RGS21: variants seen among roughly 807,000 people sequenced by gnomAD.
The protein encoded by RGS21 is regulator of G protein signaling 21.
Under a neutral mutation model 18.7 loss-of-function variants are expected in RGS21, and 19 were observed. The ratio of observed to expected loss-of-function variants is 1.01; its 90% CI spans 0.71 to 1.49. The LOEUF (loss-of-function observed/expected upper bound fraction) is 1.49. Among genes scored for constraint, RGS21 ranks in the 40% most tolerant of loss-of-function variants. RGS21 has a pLI of 0.00. For synonymous variants in RGS21, 56 were observed against 57.8 expected, an observed-to-expected ratio of 0.97 and a Z score of 0.14; for missense variants, 194 against 176.8, an observed-to-expected ratio of 1.10 and a Z score of -0.55.
chr1:192,318,154 C>T (rs1048756600), intron 1 of RGS21, among the ~76,000 whole-genome samples: 1 of 151,902 alleles, frequency 6.6e-6, no homozygotes, highest in Non-Finnish European at 1.5e-5. Context: ...TATTTTTAGA[C>T]AATGTCAAAA....
intron 4 of RGS21, 64 bp downstream of exon 4, chr1:192,352,277 A>C (rs1014172667): frequency 1.8e-6 from 2 of 1,135,596 alleles, no homozygotes; most frequent in Non-Finnish European, 2.4e-6. Context: ...CAATTAGAAG[A>C]CCTTAAATCC....
intron 4 of RGS21, among the ~76,000 whole-genome samples, chr1:192,354,339 T>TG (rs1276575772): frequency 4.0e-5 from 6 of 151,576 alleles, no homozygotes; most frequent in African/African-American, 1.5e-4. Context: ...ATTTGCGGTG[T>TG]GGTTCACACA....
intron 1 of RGS21, among the ~76,000 whole-genome samples, chr1:192,340,307 C>G (rs1324288805): frequency 6.6e-6 from 1 of 151,982 alleles, no homozygotes; most frequent in African/African-American, 2.4e-5. Context: ...TATAAATAAA[C>G]CTATGTAAGA....
chr1:192,342,326 T>C (rs1365830734), intron 1 of RGS21, among the ~76,000 whole-genome samples: 1 of 152,086 alleles, frequency 6.6e-6, no homozygotes, highest in Non-Finnish European at 1.5e-5. Flanking sequence ...GTCTTTGTTT[T>C]GATAAATATA....
chr1:192,320,497 G>A (rs1452595132), intron 1 of RGS21, among the ~76,000 whole-genome samples: 2 of 114,914 alleles, frequency 1.7e-5, no homozygotes, highest in Non-Finnish European at 3.9e-5. Flanking sequence ...AAAATGTAAA[G>A]GAATGTGTAT....
At chr1:192,334,314 A>C (rs1472110520) in intron 1 of RGS21, among the ~76,000 whole-genome samples, 4 of 152,152 alleles carry the variant, frequency 2.6e-5, no homozygotes, top group Non-Finnish European at 5.9e-5. Context: ...AAGAAGAGAT[A>C]ATAAATAGTT....
intron 3 of RGS21, among the ~76,000 whole-genome samples, chr1:192,349,785 T>C (rs145812982): frequency 6.6e-6 from 1 of 152,210 alleles, no homozygotes; most frequent in East Asian, 1.9e-4. Context: ...TAGCCCATCA[T>C]TAAAAGTGGA....
At position 192,363,495 on chromosome 1, in the gene RGS21, T is replaced by G. The variant is rs146146379; in HGVS notation, c.256-2426T>G. ...ATTCTCATATTCCCACAACACCAGATAAGTTTATGAAACAGACTATAGTAG... is the reference window on the plus strand; with the variant it reads ...ATTCTCATATTCCCACAACACCAGAGAAGTTTATGAAACAGACTATAGTAG... On this transcript the variant is annotated intron_variant, in intron 4 of 4. Coordinates refer to ENST00000417209, the MANE Select transcript of RGS21 (RefSeq NM_001039152.3). Among the ~76,000 whole-genome samples, 807 of 152,236 alleles carry G rather than the reference T, an allele frequency of 5.3e-3. 7 individuals carry two copies. Among genetic ancestry groups the G allele is most frequent in the African/African-American group, 0.019 (782 of 41,570 alleles).
At chr1:192,345,846 A>G (rs185301005) in intron 2 of RGS21, among the ~76,000 whole-genome samples, 57 of 152,176 alleles carry the variant, frequency 3.7e-4, no homozygotes, top group African/African-American at 1.4e-3. Context: ...ACAAGTTCTA[A>G]TATTTGAGTT....
intron 1 of RGS21, among the ~76,000 whole-genome samples, chr1:192,324,588 G>A (rs1658540497): frequency 1.3e-5 from 2 of 148,454 alleles, no homozygotes; most frequent in African/African-American, 5.1e-5. Flanking sequence ...AATATTCACA[G>A]AGGAATGTGT....
At chr1:192,328,514 C>T (rs555222254) in intron 1 of RGS21, among the ~76,000 whole-genome samples, 2 of 152,240 alleles carry the variant, frequency 1.3e-5, no homozygotes, top group South Asian at 4.1e-4. Flanking sequence ...ATCAACTATG[C>T]TAGGCCATTA....
intron 4 of RGS21, among the ~76,000 whole-genome samples, chr1:192,356,174 G>C (rs1659110920): frequency 6.6e-6 from 1 of 151,766 alleles, no homozygotes; most frequent in East Asian, 1.9e-4. Flanking sequence ...TTTAATATTT[G>C]TGTTTGGCTT....
intron 1 of RGS21, among the ~76,000 whole-genome samples, chr1:192,325,889 A>C (rs1484140908): frequency 6.6e-6 from 1 of 152,082 alleles, no homozygotes; most frequent in African/African-American, 2.4e-5. Flanking sequence ...GTTTTAAATC[A>C]TCTTGTGATA....
At chr1:192,348,755 G>A (rs983495663) in intron 3 of RGS21, among the ~76,000 whole-genome samples, 2 of 141,084 alleles carry the variant, frequency 1.4e-5, no homozygotes, top group Non-Finnish European at 3.0e-5. Context: ...GAAACACAGA[G>A]AGAAAATGTT....
chr1:192,321,030 G>A lies in RGS21; in HGVS notation c.-61+3925G>A, dbSNP rs372083391. Among the ~76,000 whole-genome samples, 671 of 151,844 alleles carry A rather than the reference G, an allele frequency of 4.4e-3. 3 individuals carry two copies. The highest frequency in any genetic ancestry group is 7.6e-3 in the Non-Finnish European group (516 of 67,840). ...CTCTATATTTTTAATTCATCTAATT[G>A]AATATCTATTTTGAATTTGAATTTT... On this transcript the variant is annotated intron_variant, in intron 1 of 4. Transcript: ENST00000417209.
intron 4 of RGS21, among the ~76,000 whole-genome samples, chr1:192,355,414 C>G (rs554000693): frequency 4.0e-5 from 6 of 151,486 alleles, no homozygotes; most frequent in South Asian, 2.1e-4. Flanking sequence ...AATGTTAAGA[C>G]TTGAGAGAAG....
chr1:192,321,250 C>T (rs1658493524), intron 1 of RGS21, among the ~76,000 whole-genome samples: 2 of 151,844 alleles, frequency 1.3e-5, no homozygotes, highest in Admixed American at 6.6e-5. Flanking sequence ...AAGAATAATA[C>T]ACCTTGATTT....
chr1:192,351,980 T>C, intron 3 of RGS21, 67 bp from the exon 4 acceptor site: 3 of 809,962 alleles, frequency 3.7e-6, no homozygotes, highest in South Asian at 2.0e-5. Context: ...TTATACAATG[T>C]ACTCATTTTG....
At chr1:192,349,553 C>A (rs1333807046) in intron 3 of RGS21, among the ~76,000 whole-genome samples, 4 of 152,164 alleles carry the variant, frequency 2.6e-5, no homozygotes, top group Non-Finnish European at 4.4e-5. Flanking sequence ...ATGGAGAGTG[C>A]CCTCAGATAA....
Sources: allele counts gnomAD v4.1 joint callset (sites outside exome capture counted in the v4.1 genomes callset), GRCh38; gene constraint gnomAD v4.1.1; transcripts MANE v1.5; gene names NCBI Gene and HGNC (gene_info 2026-07-23, HGNC 2026-07-21).